Variants in WDFY3 observed in about 807,000 individuals in gnomAD.
WDFY3 encodes the protein WD repeat and FYVE domain containing 3.
A neutral mutation model predicts 409.6 loss-of-function variants in WDFY3; 66 were observed. The ratio of observed to expected loss-of-function variants is 0.16; its 90% CI spans 0.13 to 0.20. WDFY3 has a LOEUF of 0.20. WDFY3 is among the 10% of genes least tolerant of loss of function. The pLI is 1.00. For missense variants in WDFY3, 3,031 were observed against 4,298.1 expected (o/e 0.71, Z 8.24); for synonymous variants, 1,521 against 1,537.1 (o/e 0.99, Z 0.25).
intron 3 of WDFY3, among the ~76,000 whole-genome samples, chr4:84,887,186 G>A (rs1360148313): frequency 1.3e-5 from 2 of 152,118 alleles, no homozygotes; most frequent in Non-Finnish European, 2.9e-5. Context: ...GAATGATAAA[G>A]GCTATGCATG....
At chr4:84,842,179 A>G (rs557348652) in intron 5 of WDFY3, among the ~76,000 whole-genome samples, 3 of 152,174 alleles carry the variant, frequency 2.0e-5, no homozygotes, top group Non-Finnish European at 2.9e-5. Flanking sequence ...AAATTGTCAG[A>G]AAAGAAGTCC....
At chr4:84,907,349 C>T (rs2150700045) in intron 2 of WDFY3, among the ~76,000 whole-genome samples, 1 of 152,310 alleles carries the variant, frequency 6.6e-6, no homozygotes, top group Non-Finnish European at 1.5e-5. Context: ...TTCTTGCTCT[C>T]TCTCAGATTA....
At chr4:84,818,232 C>G (rs1413422298) in intron 12 of WDFY3, among the ~76,000 whole-genome samples, 1 of 152,146 alleles carries the variant, frequency 6.6e-6, no homozygotes, top group African/African-American at 2.4e-5. Context: ...TAGCCCAGCT[C>G]TGTAAGCCTG....
chr4:84,944,061 A>G (rs1176440438), intron 1 of WDFY3, among the ~76,000 whole-genome samples: 2 of 152,250 alleles, frequency 1.3e-5, no homozygotes, highest in Non-Finnish European at 2.9e-5. Context: ...GTATAATTAC[A>G]TGAAAAACTA....
chr4:84,811,418 T>C (rs1283362313), intron 13 of WDFY3, among the ~76,000 whole-genome samples: 7 of 152,330 alleles, frequency 4.6e-5, no homozygotes, highest in East Asian at 1.9e-4. Flanking sequence ...AACAATCCTA[T>C]GGGTAAGGTA....
At position 84,821,392 on chromosome 4, in the gene WDFY3, G is replaced by T; in HGVS notation, c.1283C>A (p.Ser428Ter). ...TTTAGAAATCTTCTCTGCAAACTGTGACAATGTGTGCTGTGACTCTAGGAT... is the reference window on the plus strand; with the variant it reads ...TTTAGAAATCTTCTCTGCAAACTGTTACAATGTGTGCTGTGACTCTAGGAT... Reference protein sequence around the residue: ...YFILESQHTLSQFAEKISKLP... With the variant: ...YFILESQHTL The change falls in exon 11 of 68, where the codon TCA (serine) becomes TAA (stop). Residue 428 changes from serine to a stop codon, truncating the protein, a stop_gained. Coordinates refer to ENST00000295888, the MANE Select transcript of WDFY3 (RefSeq NM_014991.6). LOFTEE classifies it high-confidence loss of function. The T allele has an allele frequency of 6.2e-7, 1 of 1,613,840 alleles. No individual in the cohort carries two copies. Among genetic ancestry groups the T allele is most frequent in the South Asian group, 1.1e-5 (1 of 91,062 alleles).
At chr4:84,958,548 G>C (rs191606417) in intron 1 of WDFY3, among the ~76,000 whole-genome samples, 157 of 152,236 alleles carry the variant, frequency 1.0e-3, no homozygotes, top group African/African-American at 3.4e-3. Flanking sequence ...ATCCAGGAGG[G>C]ACAACCTAAG....
At chr4:84,964,011 A>G (rs1387516275) in intron 1 of WDFY3, among the ~76,000 whole-genome samples, 1 of 152,232 alleles carries the variant, frequency 6.6e-6, no homozygotes, top group Admixed American at 6.5e-5. Context: ...TGGAATATGT[A>G]TTCTTTAATT....
intron 32 of WDFY3, among the ~76,000 whole-genome samples, chr4:84,760,786 T>G (rs1301745365): frequency 6.8e-6 from 1 of 146,720 alleles, no homozygotes; most frequent in Non-Finnish European, 1.5e-5. Flanking sequence ...TTTGAAGGGT[T>G]TTTTGTGTCT....
Position 84,672,866 on chromosome 4 carries a change from CT to C in WDFY3, c.*1del, listed in dbSNP as rs762228270. ...ATGGTCTCCACTCAGCTTGTTGAAT[CT>C]TCAACAATTTCGAGGCCCATCTTCT... On this transcript the variant is annotated 3_prime_UTR_variant, in exon 68 of 68. Coordinates refer to ENST00000295888, the MANE Select transcript of WDFY3 (RefSeq NM_014991.6). 1.9e-6 allele frequency: 3 copies of C among 1,613,938 alleles called. No individual in the cohort carries two copies. In the Admixed American group the frequency reaches 5.0e-5, roughly 27 times the overall value.
rs1197248529 is a variant in WDFY3, at chr4:84,699,541, T to A, written c.8597-2718A>T. 2.0e-5 allele frequency among the ~76,000 whole-genome samples: 3 copies of A among 152,210 alleles called. No homozygotes were observed. In the South Asian group the frequency reaches 6.2e-4, roughly 32 times the overall value. On this transcript the variant is annotated intron_variant, in intron 56 of 67. Coordinates refer to ENST00000295888, the MANE Select transcript of WDFY3 (RefSeq NM_014991.6). The stretch of plus-strand genomic sequence containing the variant: ...GAACATGCTCACACACATACTTACT[T>A]GAGTTGCGTTTTCAATTCTATATAC...
chr4:84,959,000 T>C (rs985755084), intron 1 of WDFY3, among the ~76,000 whole-genome samples: 2 of 152,340 alleles, frequency 1.3e-5, no homozygotes, highest in Admixed American at 6.5e-5. Context: ...TAGTATATAA[T>C]GTACTATGTA....
At position 84,721,399 on chromosome 4, in the gene WDFY3, A is replaced by G; in HGVS notation, c.7605+10T>C. The G allele has an allele frequency of 6.2e-7, 1 of 1,612,692 alleles. No individual in the cohort carries two copies. Reference sequence around the variant, plus strand: ...GTATTTACAATCCTTACTTTTCAGAAGCACAATACCTTTTCTCCTTCCTCT... The same window carrying G: ...GTATTTACAATCCTTACTTTTCAGAGGCACAATACCTTTTCTCCTTCCTCT... On this transcript the variant is annotated intron_variant, in intron 47 of 67. Transcript: ENST00000295888.
chr4:84,921,646 A>ATTTTTTTTTTTTTTTTTTT (rs747576197), intron 2 of WDFY3, among the ~76,000 whole-genome samples: 2 of 78,666 alleles, frequency 2.5e-5, no homozygotes, highest in African/African-American at 5.7e-5. Context: ...TATTGCTTTC[A>ATTTTTTTTTTTTTTTTTTT]TTTTTTTTTT....
chr4:84,859,780 G>A (rs1245844487), intron 4 of WDFY3, among the ~76,000 whole-genome samples: 1 of 151,794 alleles, frequency 6.6e-6, no homozygotes, highest in Admixed American at 6.6e-5. Context: ...TCACCATGTT[G>A]GCCAGGCTTG....
In WDFY3 at chr4:84,928,624, TG is replaced by T. The variant is rs1421618239; in HGVS notation, c.-132+3645del. ...AGTAACTGTAATTGAGCAGTACCCT[TG>T]GCCAGTTTGGTGTATTAAATATCCT... On this transcript the variant is annotated intron_variant, in intron 2 of 67. Transcript: ENST00000295888. Among the ~76,000 whole-genome samples the T allele has an allele frequency of 2.0e-5, 3 of 152,286 alleles. No homozygotes were observed. The East Asian group carries it at 5.8e-4, about 29-fold the overall frequency.
In WDFY3 at chr4:84,703,565, C is replaced by G. The variant is rs185103855; in HGVS notation, c.8442+773G>C. 2.8e-4 allele frequency among the ~76,000 whole-genome samples: 43 copies of G among 152,308 alleles called. No homozygotes were observed. In the East Asian group the frequency reaches 8.3e-3, roughly 29 times the overall value. On this transcript the variant is annotated intron_variant, in intron 55 of 67. Transcript: ENST00000295888. Reference sequence around the variant, plus strand: ...CTTACTCTATTCTGGACACACTGGCCCCCGGGCTGCTCCTCGAACATGCCA... The same window carrying G: ...CTTACTCTATTCTGGACACACTGGCGCCCGGGCTGCTCCTCGAACATGCCA...
At chr4:84,909,716 T>C (rs1767515919) in intron 2 of WDFY3, among the ~76,000 whole-genome samples, 1 of 152,054 alleles carries the variant, frequency 6.6e-6, no homozygotes, top group African/African-American at 2.4e-5. Flanking sequence ...GCATTTAACA[T>C]AAAATTGAAC....
intron 40 of WDFY3, 65 bp from the exon 41 acceptor site, chr4:84,737,431 G>T: frequency 6.9e-7 from 1 of 1,446,688 alleles, no homozygotes; most frequent in Non-Finnish European, 9.1e-7. Context: ...TATAAAGTTA[G>T]TTTTTATTTT....
Sources: allele counts gnomAD v4.1 joint callset (sites outside exome capture counted in the v4.1 genomes callset), GRCh38; gene constraint gnomAD v4.1.1; transcripts MANE v1.5; gene names NCBI Gene and HGNC (gene_info 2026-07-23, HGNC 2026-07-21).